The following PGM1 variants were observed in gnomAD, a reference collection of about 807,000 sequenced individuals.
PGM1 encodes the protein phosphoglucomutase-1.
A neutral mutation model predicts 55.6 loss-of-function variants in PGM1; 52 were observed. The ratio of observed to expected loss-of-function variants is 0.94; its 90% CI spans 0.75 to 1.18. The LOEUF is 1.18. PGM1 is among the 50% of genes most tolerant of loss of function. The pLI is 0.00. For missense variants in PGM1, 724 were observed against 729.3 expected (o/e 0.99, Z 0.08); for synonymous variants, 287 against 271.7 (o/e 1.06, Z -0.55).
At chr1:63,638,859 CT>C in intron 7 of PGM1, 59 bp downstream of exon 7, 1 of 1,180,060 alleles carries the variant, frequency 8.5e-7, no homozygotes, top group Non-Finnish European at 1.3e-6. Flanking sequence ...CCAGTAAAAG[CT>C]TAGACTGCTA....
chr1:63,651,638 C>T (rs756302473), intron 8 of PGM1, 31 bp from the exon 9 acceptor site: 3 of 1,607,106 alleles, frequency 1.9e-6, no homozygotes, highest in Non-Finnish European at 2.6e-6. Flanking sequence ...TGCAGTCAGC[C>T]CGTGGGCCTC....
chr1:63,602,174 AT>A (rs1327389361), intron 1 of PGM1, among the ~76,000 whole-genome samples: 1 of 152,220 alleles, frequency 6.6e-6, no homozygotes, highest in African/African-American at 2.4e-5. Context: ...TTGTTATAAT[AT>A]GCTGGTTAAT....
chr1:63,651,916 G>A, intron 9 of PGM1, 64 bp downstream of exon 9: 1 of 1,471,098 alleles, frequency 6.8e-7, no homozygotes, highest in Middle Eastern at 1.7e-4. Flanking sequence ...ACATCTCAAG[G>A]GAAAAATTAA....
intron 1 of PGM1, among the ~76,000 whole-genome samples, chr1:63,616,160 A>T (rs1648708381): frequency 6.6e-6 from 1 of 152,198 alleles, no homozygotes; most frequent in Non-Finnish European, 1.5e-5. Flanking sequence ...GAATATTCTT[A>T]AGGGATTGAA....
At position 63,651,648 on chromosome 1, in the gene PGM1, CA is replaced by C; in HGVS notation, c.1281-19del. On this transcript the variant is annotated intron_variant, in intron 8 of 10. Transcript: ENST00000371084. ...TGATCTGCAGTCAGCCCGTGGGCCTCAACTTCGTGACTTCTTCCAGGTATGA... is the reference window on the plus strand; with the variant it reads ...TGATCTGCAGTCAGCCCGTGGGCCTCACTTCGTGACTTCTTCCAGGTATGA... 6.2e-7 allele frequency: 1 copy of C among 1,612,328 alleles called. No individual in the cohort carries two copies. Among genetic ancestry groups the C allele is most frequent in the South Asian group, 1.1e-5 (1 of 90,776 alleles).
intron 2 of PGM1, 138 bp downstream of exon 2, chr1:63,629,725 A>G: frequency 2.1e-6 from 2 of 951,252 alleles, no homozygotes; most frequent in Non-Finnish European, 3.3e-6. Context: ...CCTTTCAGTG[A>G]CAGTGAAATG....
chr1:63,612,617 A>G (rs544209629), intron 1 of PGM1, among the ~76,000 whole-genome samples: 2 of 152,236 alleles, frequency 1.3e-5, no homozygotes, highest in Admixed American at 6.5e-5. Context: ...GAGTAGCGCC[A>G]TGAAGACCCC....
chr1:63,613,744 C>A (rs1292183214), intron 1 of PGM1, among the ~76,000 whole-genome samples: 6 of 146,862 alleles, frequency 4.1e-5, no homozygotes, highest in Non-Finnish European at 7.4e-5. Flanking sequence ...GAGTAGTGCA[C>A]CATTCAACCA....
At position 63,629,428 on chromosome 1, in the gene PGM1, G is replaced by A. The variant is rs775543045; in HGVS notation, c.250G>A (p.Gly84Ser). 27 of 1,612,838 alleles carry A rather than the reference G, an allele frequency of 1.7e-5. No homozygotes were observed. The highest frequency in any genetic ancestry group is 4.5e-5 in the East Asian group (2 of 44,864). Residue 84 changes from glycine to serine, a missense_variant, in exon 2 of 11, where the codon GGT becomes AGT. Gly to Ser is a moderately conservative substitution (Grantham distance 56). This residue lies in a region of PGM1 where 379 missense variants were observed against 357.5 expected (regional missense o/e 1.06). Coordinates refer to ENST00000371084, the MANE Select transcript of PGM1 (RefSeq NM_002633.3). ...TGTTCTGGATTTCTTCTCCTAGATC[G>A]GTCGCTTGGTTATCGGACAGAATGG... ...IARIAAANGI[G>S]RLVIGQNGIL...
Position 63,636,341 on chromosome 1 carries a change from G to T in PGM1, c.981G>T (p.Gly327=). 1 of 1,614,172 alleles carries T rather than the reference G, an allele frequency of 6.2e-7. No individual in the cohort carries two copies. The highest frequency in any genetic ancestry group is 1.3e-5 in the African/African-American group (1 of 75,058). Residue 327 remains glycine (G), a synonymous_variant, in exon 6 of 11, where the codon GGG becomes GGT. Coordinates refer to ENST00000371084, the MANE Select transcript of PGM1 (RefSeq NM_002633.3). ...GCATTCCGTATTTCCAGCAGACTGGGGTCCGCGGCTTTGCACGGAGCATGC... is the reference window on the plus strand; with the variant it reads ...GCATTCCGTATTTCCAGCAGACTGGTGTCCGCGGCTTTGCACGGAGCATGC... ...IFSIPYFQQT[G]VRGFARSMPT...
intron 1 of PGM1, among the ~76,000 whole-genome samples, chr1:63,610,803 T>C (rs536130643): frequency 7.2e-5 from 11 of 152,298 alleles, no homozygotes; most frequent in Non-Finnish European, 1.3e-4. Context: ...TGTATAACTT[T>C]AGGTTTTCAG....
Position 63,636,322 on chromosome 1 carries a change from C to T in PGM1, c.962C>T (p.Pro321Leu), listed in dbSNP as rs558123533. The change falls in exon 6 of 11, where the codon CCG becomes CTG. Residue 321 changes from proline to leucine, a missense_variant. By Grantham distance (98) the Pro-to-Leu change is moderately conservative. This residue lies in a region of PGM1 where 29 missense variants were observed against 58.7 expected (regional missense o/e 0.49). Transcript: ENST00000371084. ...AVIAANIFSI[P>L]YFQQTGVRGF... ...ATTGCTGCCAACATCTTCAGCATTC[C>T]GTATTTCCAGCAGACTGGGGTCCGC... The T allele has an allele frequency of 1.3e-5, 21 of 1,614,118 alleles. No individual in the cohort carries two copies. The highest frequency in any genetic ancestry group is 3.3e-5 in the Admixed American group (2 of 60,020).
At chr1:63,607,749 G>A (rs936165717) in intron 1 of PGM1, among the ~76,000 whole-genome samples, 1 of 152,136 alleles carries the variant, frequency 6.6e-6, no homozygotes, top group Admixed American at 6.5e-5. Flanking sequence ...AACCATGCAC[G>A]CACTCCAGTG....
In PGM1 at chr1:63,629,485, A is replaced by G; in HGVS notation, c.307A>G (p.Ile103Val). 6.2e-7 allele frequency: 1 copy of G among 1,613,862 alleles called. No individual in the cohort carries two copies. The highest frequency in any genetic ancestry group is 8.5e-7 in the Non-Finnish European group (1 of 1,179,750). Residue 103 changes from isoleucine (I) to valine (V), a missense_variant, in exon 2 of 11, where the codon ATT (isoleucine) becomes GTT (valine). Transcript: ENST00000371084. The stretch of plus-strand genomic sequence containing the variant: ...CTCCACCCCTGCTGTATCCTGCATC[A>G]TTAGAAAAATCAAAGCCATTGGTGG... ...ILSTPAVSCI[I>V]RKIKAIGGII...
At chr1:63,604,748 A>G (rs148913556) in intron 1 of PGM1, among the ~76,000 whole-genome samples, 1,544 of 152,140 alleles carry the variant, frequency 0.01, 28 homozygotes, top group African/African-American at 0.034. Flanking sequence ...TTTCCAGTGG[A>G]GGCACCCCAG....
At chr1:63,595,340 A>G (rs973688537) in intron 1 of PGM1, among the ~76,000 whole-genome samples, 1 of 152,192 alleles carries the variant, frequency 6.6e-6, no homozygotes, top group Non-Finnish European at 1.5e-5. Context: ...TAATGGCAGC[A>G]CTAAGAGTCC....
chr1:63,626,339 A>G (rs1194262959), intron 1 of PGM1, among the ~76,000 whole-genome samples: 1 of 152,162 alleles, frequency 6.6e-6, no homozygotes, highest in East Asian at 1.9e-4. Context: ...ATCATCCCAT[A>G]CAGAAACTCT....
At chr1:63,651,911 T>G in intron 9 of PGM1, 59 bp downstream of exon 9, 1 of 1,484,332 alleles carries the variant, frequency 6.7e-7, no homozygotes, top group Non-Finnish European at 9.4e-7. Flanking sequence ...CTCTGACATC[T>G]CAAGGGAAAA....
At chr1:63,653,683 G>A (rs967774954) in intron 9 of PGM1, among the ~76,000 whole-genome samples, 11 of 152,294 alleles carry the variant, frequency 7.2e-5, no homozygotes, top group African/African-American at 2.6e-4. Flanking sequence ...GATGTCCAGA[G>A]ATACCGCTGG....
Sources: gnomAD v4.1 joint callset for allele counts (sites outside exome capture counted in the v4.1 genomes callset) on GRCh38, gnomAD v4.1.1 for gene constraint, gnomAD v4.1.1 regional missense constraint, MANE v1.5 for transcripts, NCBI Gene and HGNC (gene_info 2026-07-23, HGNC 2026-07-21) for gene names.